Variants in PDE10A observed in about 807,000 individuals in gnomAD.
The protein encoded by PDE10A is phosphodiesterase 10A.
In PDE10A, 39 loss-of-function variants were observed where a neutral mutation model predicts 97.7. The ratio of observed to expected loss-of-function variants is 0.40; its 90% CI spans 0.31 to 0.52. The LOEUF (loss-of-function observed/expected upper bound fraction) is 0.52, where lower values mean the gene tolerates loss of function less well. PDE10A is among the 20% of genes least tolerant of loss of function. PDE10A has a pLI of 0.56. For missense variants in PDE10A, 731 were observed against 1,047.8 expected (o/e 0.70, Z 4.17); for synonymous variants, 371 against 376.8 (o/e 0.98, Z 0.18).
At chr6:165,344,180 G>C (rs1452599982) in intron 18 of PDE10A, among the ~76,000 whole-genome samples, 1 of 151,910 alleles carries the variant, frequency 6.6e-6, no homozygotes, top group African/African-American at 2.4e-5. Flanking sequence ...TTCTAAATAT[G>C]GCTTGGTTTA....
At chr6:165,859,041 T>C (rs1780827231) in intron 1 of PDE10A, among the ~76,000 whole-genome samples, 1 of 152,250 alleles carries the variant, frequency 6.6e-6, no homozygotes, top group Non-Finnish European at 1.5e-5. Context: ...TCACAAATAC[T>C]GAACCACTGA....
chr6:165,634,287 G>C (rs1385692540), intron 1 of PDE10A, among the ~76,000 whole-genome samples: 1 of 152,122 alleles, frequency 6.6e-6, no homozygotes, highest in Non-Finnish European at 1.5e-5. Flanking sequence ...GGGTTGTTGA[G>C]GAGTGTGCGG....
At chr6:165,908,386 C>T (rs1407727920) in intron 1 of PDE10A, among the ~76,000 whole-genome samples, 1 of 152,168 alleles carries the variant, frequency 6.6e-6, no homozygotes, top group Non-Finnish European at 1.5e-5. Flanking sequence ...CTTGGGCTAC[C>T]GTTGGGTTGG....
chr6:165,668,262 G>A (rs985507855), intron 1 of PDE10A, among the ~76,000 whole-genome samples: 32 of 152,164 alleles, frequency 2.1e-4, no homozygotes, highest in African/African-American at 7.7e-4. Context: ...TTGGCTGGGG[G>A]CTGAAATTAT....
At chr6:165,516,824 G>A (rs950104826) in intron 2 of PDE10A, among the ~76,000 whole-genome samples, 2 of 151,922 alleles carry the variant, frequency 1.3e-5, no homozygotes, top group African/African-American at 4.8e-5. Flanking sequence ...CTTACAAACG[G>A]CAACAGGGCC....
chr6:165,401,901 C>T (rs1336501849), intron 13 of PDE10A, among the ~76,000 whole-genome samples: 3 of 152,160 alleles, frequency 2.0e-5, no homozygotes, highest in African/African-American at 7.2e-5. Flanking sequence ...ATGTCACTTG[C>T]TTTCCACTTT....
chr6:165,509,513 T>C (rs149306479), intron 2 of PDE10A, among the ~76,000 whole-genome samples: 6 of 151,918 alleles, frequency 3.9e-5, no homozygotes, highest in African/African-American at 1.2e-4. Flanking sequence ...AGGCAGGGAG[T>C]GTGATGCCTC....
chr6:165,433,153 A>G, intron 6 of PDE10A, 24 bp from the exon 7 acceptor site: 2 of 1,581,310 alleles, frequency 1.3e-6, no homozygotes, highest in Non-Finnish European at 1.7e-6. Context: ...AGACAAAAAG[A>G]CATAAATTCA....
At chr6:165,338,762 C>T (rs73028225) in intron 20 of PDE10A, among the ~76,000 whole-genome samples, 11,721 of 152,244 alleles carry the variant, frequency 0.077, 528 homozygotes, top group Middle Eastern at 0.2. Flanking sequence ...TTTACTGCAA[C>T]GGCAGCTGTA....
intron 2 of PDE10A, among the ~76,000 whole-genome samples, chr6:165,508,830 AGT>A (rs1270923555): frequency 6.6e-6 from 1 of 152,014 alleles, no homozygotes; most frequent in African/African-American, 2.4e-5. Flanking sequence ...TACAAAATTC[AGT>A]GTTAGTATGT....
intron 18 of PDE10A, among the ~76,000 whole-genome samples, chr6:165,359,497 T>C (rs1783245235): frequency 1.3e-5 from 2 of 152,204 alleles, no homozygotes; most frequent in African/African-American, 4.8e-5. Context: ...TCCCTGGTAC[T>C]TTATTATTCT....
chr6:165,539,042 C>T (rs1583495262), intron 2 of PDE10A, among the ~76,000 whole-genome samples: 1 of 152,070 alleles, frequency 6.6e-6, no homozygotes, highest in East Asian at 1.9e-4. Flanking sequence ...AACTCTGCTT[C>T]GAAGCTATAT....
chr6:165,428,580 G>C (rs1337182075), intron 10 of PDE10A, 78 bp downstream of exon 10: 1 of 664,922 alleles, frequency 1.5e-6, no homozygotes, highest in Non-Finnish European at 2.7e-6. Context: ...GGATGAATAA[G>C]TTTAAATGTT....
At position 165,652,108 on chromosome 6, in the gene PDE10A, G is replaced by A. The variant is rs980226650; in HGVS notation, c.865+9839C>T. On this transcript the variant is annotated intron_variant, in intron 1 of 21. Coordinates refer to ENST00000539869, the MANE Select transcript of PDE10A (RefSeq NM_001385079.1). ...GATATATTTAACCCTGAGAAGCAGA[G>A]TATAGTCCTAAAAAGTTATGATGAC... Among the ~76,000 whole-genome samples the A allele has an allele frequency of 2.0e-5, 3 of 152,276 alleles. No homozygotes were observed. In the East Asian group the frequency reaches 5.8e-4, roughly 29 times the overall value.
At chr6:165,605,307 G>A (rs1363380565) in intron 1 of PDE10A, among the ~76,000 whole-genome samples, 1 of 152,156 alleles carries the variant, frequency 6.6e-6, no homozygotes, top group Non-Finnish European at 1.5e-5. Flanking sequence ...AGCTCAGAAT[G>A]AGCCCTTCCA....
At chr6:165,400,454 A>G (rs1015079951) in intron 13 of PDE10A, among the ~76,000 whole-genome samples, 1 of 152,218 alleles carries the variant, frequency 6.6e-6, no homozygotes, top group African/African-American at 2.4e-5. Flanking sequence ...ATAAATGAAA[A>G]TGACCTGTAT....
At chr6:165,432,541 T>A (rs1789669212) in intron 7 of PDE10A, among the ~76,000 whole-genome samples, 1 of 152,218 alleles carries the variant, frequency 6.6e-6, no homozygotes, top group Admixed American at 6.5e-5. Flanking sequence ...CATTTTAATA[T>A]TTGCTTTTAG....
chr6:165,636,684 CA>C (rs1241214289), intron 1 of PDE10A, among the ~76,000 whole-genome samples: 1 of 152,162 alleles, frequency 6.6e-6, no homozygotes, highest in Non-Finnish European at 1.5e-5. Context: ...TATTATTTTG[CA>C]AAAACTGGAT....
chr6:165,644,725 T>C (rs1455592698), intron 1 of PDE10A, among the ~76,000 whole-genome samples: 1 of 152,198 alleles, frequency 6.6e-6, no homozygotes, highest in African/African-American at 2.4e-5. Context: ...GAAATGACTG[T>C]CTTAGAACAG....
Sources: allele counts gnomAD v4.1 joint callset (sites outside exome capture counted in the v4.1 genomes callset), GRCh38; gene constraint gnomAD v4.1.1; transcripts MANE v1.5; gene names NCBI Gene and HGNC (gene_info 2026-07-23, HGNC 2026-07-21).